The following CDH12 variants were observed in gnomAD, a reference collection of about 807,000 sequenced individuals.
CDH12 encodes cadherin-12.
CDH12 carries 41 observed loss-of-function variants against 74.1 expected under a neutral mutation model. The observed-to-expected ratio is 0.55, with a 90% confidence interval of 0.43 to 0.72. The LOEUF (loss-of-function observed/expected upper bound fraction) is 0.72, where lower values mean the gene tolerates loss of function less well. Among genes scored for constraint, CDH12 ranks in the 30% least tolerant of loss-of-function variants. The pLI is 0.00. For synonymous variants in CDH12, 399 were observed against 355.0 expected, an observed-to-expected ratio of 1.12 and a Z score of -1.39; for missense variants, 945 against 977.2, an observed-to-expected ratio of 0.97 and a Z score of 0.44.
At chr5:22,832,284 A>T (rs1160279475) in intron 1 of CDH12, among the ~76,000 whole-genome samples, 2 of 152,210 alleles carry the variant, frequency 1.3e-5, no homozygotes, top group African/African-American at 4.8e-5. Context: ...ATGTTAAAGT[A>T]CTTAGTATAG....
intron 1 of CDH12, among the ~76,000 whole-genome samples, chr5:22,673,007 G>T (rs887225508): frequency 6.6e-6 from 1 of 151,534 alleles, no homozygotes; most frequent in African/African-American, 2.4e-5. Context: ...TTCTGATTTG[G>T]GGCATTTTTC....
chr5:22,547,879 ACTATTTCCGCCCATGGAAAC>A (rs1738401761), intron 1 of CDH12, among the ~76,000 whole-genome samples: 1 of 152,186 alleles, frequency 6.6e-6, no homozygotes, highest in African/African-American at 2.4e-5. Context: ...TCTCTCGAGC[ACTATTTCCGCCCATGGAAAC>A]CTTCTCCCCA....
intron 4 of CDH12, among the ~76,000 whole-genome samples, chr5:22,082,699 A>T (rs992935063): frequency 2.6e-5 from 4 of 152,210 alleles, no homozygotes; most frequent in Non-Finnish European, 4.4e-5. Context: ...ACCAACACAT[A>T]AACAGTTTGC....
At chr5:22,229,441 C>T (rs1343983230) in intron 3 of CDH12, among the ~76,000 whole-genome samples, 7 of 128,458 alleles carry the variant, frequency 5.4e-5, no homozygotes, top group South Asian at 2.9e-4. Flanking sequence ...AGCAAGACTC[C>T]GTCTCAAAAA....
chr5:22,412,280 T>C (rs1422399824), intron 2 of CDH12, among the ~76,000 whole-genome samples: 1 of 151,988 alleles, frequency 6.6e-6, no homozygotes. Flanking sequence ...TATAAAAACA[T>C]ACATTACTCA....
At chr5:22,138,845 A>AATATATATGTATATAT (rs1746614076) in intron 4 of CDH12, among the ~76,000 whole-genome samples, 1 of 76,552 alleles carries the variant, frequency 1.3e-5, no homozygotes, top group African/African-American at 4.4e-5. Context: ...ATATATACGT[A>AATATATATGTATATAT]ATATATATAT....
chr5:21,976,445 T>C (rs1271596282), intron 5 of CDH12, among the ~76,000 whole-genome samples: 3 of 151,132 alleles, frequency 2.0e-5, no homozygotes, highest in Non-Finnish European at 4.4e-5. Context: ...AATAAATAAA[T>C]ATATACATAA....
chr5:22,384,077 A>G (rs1384135779), intron 3 of CDH12, among the ~76,000 whole-genome samples: 3 of 152,028 alleles, frequency 2.0e-5, no homozygotes, highest in Non-Finnish European at 4.4e-5. Context: ...TTAGACTTTT[A>G]TGATAACTAT....
At chr5:22,110,287 G>T (rs989538847) in intron 4 of CDH12, among the ~76,000 whole-genome samples, 4 of 152,006 alleles carry the variant, frequency 2.6e-5, no homozygotes, top group African/African-American at 9.7e-5. Flanking sequence ...CCTTCTTCAG[G>T]GTGAACCTCT....
At chr5:21,882,540 C>T (rs1410334933) in intron 6 of CDH12, 32 of 1,103,916 alleles carry the variant, frequency 2.9e-5, no homozygotes, top group African/African-American at 1.5e-4. Flanking sequence ...CACTCGCCGC[C>T]GACAACCTGT....
At chr5:22,107,258 G>C (rs150679834) in intron 4 of CDH12, among the ~76,000 whole-genome samples, 1,865 of 151,564 alleles carry the variant, frequency 0.012, 29 homozygotes, top group African/African-American at 0.042. Flanking sequence ...TCAGCCTCTG[G>C]AGAGCTGGGA....
intron 1 of CDH12, among the ~76,000 whole-genome samples, chr5:22,706,496 A>G (rs1421248905): frequency 2.0e-5 from 3 of 151,950 alleles, no homozygotes; most frequent in Non-Finnish European, 4.4e-5. Context: ...TATTTTTATA[A>G]TTTATTTGTT....
intron 3 of CDH12, among the ~76,000 whole-genome samples, chr5:22,235,845 T>A (rs886197738): frequency 6.6e-6 from 1 of 152,196 alleles, no homozygotes; most frequent in African/African-American, 2.4e-5. Context: ...AATTTCTTCA[T>A]TGGGTGAACA....
intron 1 of CDH12, among the ~76,000 whole-genome samples, chr5:22,587,847 G>T (rs931594540): frequency 1.4e-5 from 2 of 145,246 alleles, no homozygotes; most frequent in East Asian, 2.0e-4. Context: ...TTTTGGTGGA[G>T]ATATATATAT....
intron 5 of CDH12, among the ~76,000 whole-genome samples, chr5:22,003,770 GTTTA>G (rs1736751155): frequency 1.4e-5 from 1 of 72,926 alleles, no homozygotes; most frequent in Non-Finnish European, 2.5e-5. Context: ...ATAAATAAAT[GTTTA>G]TTTGTTTCGT....
At chr5:22,457,569 G>C (rs1561419114) in intron 2 of CDH12, among the ~76,000 whole-genome samples, 1 of 150,030 alleles carries the variant, frequency 6.7e-6, no homozygotes, top group African/African-American at 2.5e-5. Context: ...ACAGGCACCT[G>C]CTAACATGCC....
chr5:21,948,240 A>C (rs2150097529), intron 6 of CDH12, among the ~76,000 whole-genome samples: 1 of 152,290 alleles, frequency 6.6e-6, no homozygotes, highest in Non-Finnish European at 1.5e-5. Flanking sequence ...AGACCCCTGA[A>C]TGGAAGATCC....
chr5:22,470,787 T>A (rs1011018696), intron 2 of CDH12, among the ~76,000 whole-genome samples: 5 of 151,878 alleles, frequency 3.3e-5, no homozygotes, highest in African/African-American at 1.2e-4. Context: ...ATAATATCTA[T>A]ATATTAAAGC....
chr5:22,479,497 T>C (rs750291249), intron 2 of CDH12, among the ~76,000 whole-genome samples: 31 of 152,318 alleles, frequency 2.0e-4, no homozygotes, highest in Admixed American at 3.9e-4. Flanking sequence ...GGCAGGGATA[T>C]GGCCTTTCTG....
Sources: allele counts gnomAD v4.1 joint callset (sites outside exome capture counted in the v4.1 genomes callset), GRCh38; gene constraint gnomAD v4.1.1; transcripts MANE v1.5; gene names NCBI Gene and HGNC (gene_info 2026-07-23, HGNC 2026-07-21).